Variants in SART1 observed in about 807,000 individuals in gnomAD.
SART1 encodes U4/U6.U5 tri-snRNP-associated protein 1.
In SART1, 28 loss-of-function variants were observed where a neutral mutation model predicts 105.0. That is an observed-to-expected ratio of 0.27 (90% confidence interval 0.20 to 0.37). The LOEUF (loss-of-function observed/expected upper bound fraction) is 0.37, where lower values mean the gene tolerates loss of function less well. SART1 is among the 10% of genes least tolerant of loss of function. The probability of loss-of-function intolerance (pLI) is 1.00; values close to 1 mark genes in which losing one functional copy is unlikely to be tolerated. For missense variants in SART1, 894 were observed against 1,106.5 expected (o/e 0.81, Z 2.72); for synonymous variants, 472 against 462.9 (o/e 1.02, Z -0.25).
intron 12 of SART1, among the ~76,000 whole-genome samples, chr11:65,970,160 C>G (rs75306341): frequency 6.6e-6 from 1 of 151,924 alleles, no homozygotes; most frequent in African/African-American, 2.4e-5. Flanking sequence ...TCTTTCTCTT[C>G]TTTTTTTCCT....
Position 65,977,785 on chromosome 11 carries a change from C to T in SART1, c.2058C>T (p.Ser686=). 6.2e-7 allele frequency: 1 copy of T among 1,613,958 alleles called. No individual in the cohort carries two copies. ...CCAGGGCCATCGATGACAAGTACAG[C>T]CGGAGGGAGGAATACCGAGGCTTCA... The part of the protein sequence containing the change: ...EDKMAIDDKY[S]RREEYRGFTQ... Residue 686 remains serine, a synonymous_variant, in exon 17 of 20, where the codon AGC becomes AGT. Transcript: ENST00000312397.
At chr11:65,973,520 C>T (rs74611402) in intron 12 of SART1, among the ~76,000 whole-genome samples, 4,592 of 152,252 alleles carry the variant, frequency 0.03, 229 homozygotes, top group African/African-American at 0.1. Context: ...CTGACAGTAG[C>T]GAGTAGGAGT....
Position 65,976,018 on chromosome 11 carries a change from G to A in SART1, c.1573-377G>A, listed in dbSNP as rs1855473891. Among the ~76,000 whole-genome samples the A allele has an allele frequency of 6.6e-6, 1 of 152,158 alleles. No individual in the cohort carries two copies. The highest frequency in any genetic ancestry group is 2.4e-5 in the African/African-American group (1 of 41,426). On this transcript the variant is annotated intron_variant, in intron 12 of 19. Coordinates refer to ENST00000312397, the MANE Select transcript of SART1 (RefSeq NM_005146.5). The surrounding 1 kb of genome is among the most constrained non-coding windows in gnomAD (Gnocchi z 5.1). ...TCACCACCCTGCGGGTTCTAGAAGT[G>A]CTGTCTAGAGTCCTGAAACCGGAGT...
At position 65,965,075 on chromosome 11, in the gene SART1, C is replaced by T. The variant is rs1208478600; in HGVS notation, c.428-17C>T. On this transcript the variant is annotated splice_polypyrimidine_tract_variant and intron_variant, in intron 3 of 19. Coordinates refer to ENST00000312397, the MANE Select transcript of SART1 (RefSeq NM_005146.5). ...GCCATGGGCGGGCATAGCCTCACGTCTGGGCCCCCCTTCCAGAGGCGGGCA... is the reference window on the plus strand; with the variant it reads ...GCCATGGGCGGGCATAGCCTCACGTTTGGGCCCCCCTTCCAGAGGCGGGCA... The T allele has an allele frequency of 1.9e-6, 3 of 1,564,502 alleles. No homozygotes were observed. Among genetic ancestry groups the T allele is most frequent in the Admixed American group, 2.1e-5 (1 of 47,838 alleles).
At chr11:65,966,698 A>C in intron 9 of SART1, 142 bp downstream of exon 9, 1 of 949,786 alleles carries the variant, frequency 1.1e-6, no homozygotes, top group Non-Finnish European at 1.5e-6. Flanking sequence ...CTAAATGGCA[A>C]CCGGGGGAGG....
Position 65,979,048 on chromosome 11 carries a change from G to T in SART1, c.*18G>T. ...CCAAGTGACAGCGCCCTCCCGCCCC[G>T]GCCCTGCCTCAACCTTCATATTAAA... On this transcript the variant is annotated 3_prime_UTR_variant, in exon 20 of 20. Coordinates refer to ENST00000312397, the MANE Select transcript of SART1 (RefSeq NM_005146.5). 1 of 1,613,948 alleles carries T rather than the reference G, an allele frequency of 6.2e-7. No individual in the cohort carries two copies. The highest frequency in any genetic ancestry group is 1.7e-5 in the Admixed American group (1 of 60,002).
In SART1 at chr11:65,977,953, C is replaced by G. The variant is rs532901917; in HGVS notation, c.2172+54C>G. On this transcript the variant is annotated intron_variant, in intron 17 of 19. Transcript: ENST00000312397. ...CCGGCCTGCCACAGGGAGGCCAAGC[C>G]CAGGGCCATGCAATGCCCCGGGCCA... is the stretch of plus-strand genomic sequence containing the variant. 83 of 1,581,118 alleles carry G rather than the reference C, an allele frequency of 5.2e-5. No homozygotes were observed. In the African/African-American group the frequency reaches 9.9e-4, roughly 19 times the overall value.
chr11:65,961,948 C>A lies in SART1; in HGVS notation c.168C>A (p.Ser56Arg). The A allele has an allele frequency of 2.6e-6, 4 of 1,525,974 alleles. No homozygotes were observed. Among genetic ancestry groups the A allele is most frequent in the Non-Finnish European group, 3.5e-6 (4 of 1,137,318 alleles). 94.5% of individuals were successfully genotyped at this position (1,525,974 alleles called of 1,614,324 possible). A position where few individuals can be genotyped will look rare whatever the true frequency, so the allele number is the denominator to read the frequency against. The change falls in exon 1 of 20, where the codon AGC becomes AGA. Residue 56 changes from serine (S) to arginine (R), a missense_variant. Transcript: ENST00000312397. ...GCGGTGGCGAACGACGGAAGCGGAGCCGGGAACGTGGGGGCGAGCGCGGGA... is the reference window on the plus strand; with the variant it reads ...GCGGTGGCGAACGACGGAAGCGGAGACGGGAACGTGGGGGCGAGCGCGGGA... The part of the protein sequence containing the change: ...GGSGGERRKR[S>R]RERGGERGSG...
In SART1 at chr11:65,966,573, C is replaced by T. The variant is rs1410840197; in HGVS notation, c.1188+17C>T. 2.0e-6 allele frequency: 3 copies of T among 1,485,534 alleles called. No homozygotes were observed. Among genetic ancestry groups the T allele is most frequent in the African/African-American group, 1.4e-5 (1 of 71,066 alleles). 92.0% of individuals were successfully genotyped at this position (1,485,534 alleles called of 1,614,324 possible). On this transcript the variant is annotated intron_variant, in intron 9 of 19. Transcript: ENST00000312397. ...GAGGAGATGGTGAGCCCTCCCGTGC[C>T]TTATACTCGGGGTCAAGATTCTCCC...
chr11:65,972,122 CTCATGTAGTTCATT>C (rs1225092780), intron 12 of SART1, among the ~76,000 whole-genome samples: 1 of 152,070 alleles, frequency 6.6e-6, no homozygotes, highest in African/African-American at 2.4e-5. Context: ...AGATGTCCAT[CTCATGTAGTTCATT>C]TCTAGGTTAA....
At chr11:65,969,186 G>A (rs1416970672) in intron 12 of SART1, among the ~76,000 whole-genome samples, 1 of 152,206 alleles carries the variant, frequency 6.6e-6, no homozygotes, top group Non-Finnish European at 1.5e-5. Flanking sequence ...AGGTTTAAGG[G>A]CATATGGTCT....
intron 9 of SART1, 48 bp from the exon 10 acceptor site, chr11:65,967,211 C>G: frequency 6.2e-7 from 1 of 1,600,778 alleles, no homozygotes; most frequent in Non-Finnish European, 8.5e-7. Context: ...TTGTGGCGAC[C>G]TGCCTTTCTG....
In SART1 at chr11:65,976,670, T is replaced by C. The variant is rs753729024; in HGVS notation, c.1761T>C (p.Asp587=). ...TTGTGCCCCAGGACTTTGAACGGGA[T>C]GAGGAGCGCTCAGCCAACGGTGGCT... The part of the protein sequence containing the change: ...EQEELMDFER[D]EERSANGGSE... The change falls in exon 14 of 20, where the codon GAT becomes GAC. Residue 587 remains aspartate, a synonymous_variant. Coordinates refer to ENST00000312397, the MANE Select transcript of SART1 (RefSeq NM_005146.5). The surrounding 1 kb of genome is among the most constrained non-coding windows in gnomAD (Gnocchi z 5.1). 1.2e-5 allele frequency: 20 copies of C among 1,613,588 alleles called. No individual in the cohort carries two copies. Among genetic ancestry groups the C allele is most frequent in the Non-Finnish European group, 1.5e-5 (18 of 1,179,866 alleles).
chr11:65,978,188 G>A lies in SART1; in HGVS notation c.2172+289G>A. On this transcript the variant is annotated intron_variant, in intron 17 of 19. Transcript: ENST00000312397. This position sits in a 1 kb window ranked among gnomAD's most constrained non-coding sequence, Gnocchi z 6.8. ...CCTCACCTGCGTGAGCCCTTCACTG[G>A]CTTTCCTGGCCCGCAGGGCCATTCC... The A allele has an allele frequency of 1.9e-6, 1 of 517,710 alleles. No individual in the cohort carries two copies. Among genetic ancestry groups the A allele is most frequent in the Non-Finnish European group, 3.5e-6 (1 of 287,122 alleles). The allele number at this position is 517,710 out of a possible 1,614,324, so 32.1% of individuals were successfully genotyped here.
intron 10 of SART1, 25 bp downstream of exon 10, chr11:65,967,408 C>T (rs755666445): frequency 5.6e-6 from 9 of 1,613,570 alleles, no homozygotes; most frequent in South Asian, 3.3e-5. Context: ...GGTGGTGGGG[C>T]GAGATGGCTG....
chr11:65,970,719 AGGCCTGCCAGT>A (rs1855358619), intron 12 of SART1, among the ~76,000 whole-genome samples: 2 of 149,788 alleles, frequency 1.3e-5, no homozygotes, highest in South Asian at 4.3e-4. Flanking sequence ...GGAGAAGAGC[AGGCCTGCCAGT>A]GGCAGTGTGG....
intron 4 of SART1, 41 bp from the exon 5 acceptor site, chr11:65,965,301 A>G (rs1855225971): frequency 6.2e-7 from 1 of 1,600,944 alleles, no homozygotes. Flanking sequence ...GGTGGGGAGC[A>G]GGAGCTGGGC....
rs1352494315 is a variant in SART1 at position 65,978,523 on chromosome 11, A to G, written c.2173-77A>G. On this transcript the variant is annotated intron_variant, in intron 17 of 19. Transcript: ENST00000312397. The surrounding 1 kb of genome is among the most constrained non-coding windows in gnomAD (Gnocchi z 6.8). ...GGGGTCAATCAACACCCGCCCTGTT[A>G]TTATACACCTTGTGGGCACAGGTGG... is the stretch of plus-strand genomic sequence containing the variant. 6 of 1,409,034 alleles carry G rather than the reference A, an allele frequency of 4.3e-6. No individual in the cohort carries two copies. Among genetic ancestry groups the G allele is most frequent in the African/African-American group, 1.4e-5 (1 of 70,150 alleles). 87.3% of individuals were successfully genotyped at this position (1,409,034 alleles called of 1,614,324 possible).
At chr11:65,964,345 T>C (rs1337170343) in intron 2 of SART1, 170 bp from the exon 3 acceptor site, 2 of 880,778 alleles carry the variant, frequency 2.3e-6, no homozygotes, top group Non-Finnish European at 1.8e-6. Context: ...CTGGTGCCCA[T>C]GTTTCCTGCT....
Sources: allele counts gnomAD v4.1 joint callset (sites outside exome capture counted in the v4.1 genomes callset), GRCh38; gene constraint gnomAD v4.1.1; non-coding constraint Gnocchi (gnomAD v3.1); transcripts MANE v1.5; gene names NCBI Gene and HGNC (gene_info 2026-07-23, HGNC 2026-07-21).